SETD2: variants seen among roughly 807,000 people sequenced by gnomAD.
The protein encoded by SETD2 is SET domain containing 2, histone lysine methyltransferase, also known as histone-lysine N-methyltransferase SETD2.
In SETD2, 31 loss-of-function variants were observed where a neutral mutation model predicts 242.1. That is an observed-to-expected ratio of 0.13 (90% CI 0.10 to 0.17). The LOEUF is 0.17. SETD2 is among the 10% of genes least tolerant of loss of function. The pLI is 1.00. For missense variants in SETD2, 2,481 were observed against 3,046.3 expected, an observed-to-expected ratio of 0.81 and a Z score of 4.37; for synonymous variants, 1,006 against 1,066.5, an observed-to-expected ratio of 0.94 and a Z score of 1.11.
At chr3:47,092,914 A>T (rs145687846) in intron 9 of SETD2, among the ~76,000 whole-genome samples, 150 of 152,250 alleles carry the variant, frequency 9.9e-4, no homozygotes, top group African/African-American at 3.4e-3. Context: ...TGCTTTGGAG[A>T]TAACTTATCC....
intron 12 of SETD2, among the ~76,000 whole-genome samples, chr3:47,068,872 C>T (rs1280814867): frequency 6.6e-6 from 1 of 152,078 alleles, no homozygotes; most frequent in Non-Finnish European, 1.5e-5. Flanking sequence ...GATCTCAGCT[C>T]ATTGCAACCT....
chr3:47,083,634 TAA>T, intron 12 of SETD2, 84 bp downstream of exon 12: 1 of 1,277,830 alleles, frequency 7.8e-7, no homozygotes, highest in Non-Finnish European at 1.1e-6. Context: ...TATGCATGGC[TAA>T]AAAAAGTAGT....
intron 3 of SETD2, chr3:47,119,884 A>T (rs1243860953): frequency 4.3e-6 from 2 of 467,410 alleles, no homozygotes; most frequent in East Asian, 1.0e-4. Flanking sequence ...AGACTTTCAC[A>T]TGTAAAAGGA....
At chr3:47,045,301 C>T (rs371093673) in intron 16 of SETD2, among the ~76,000 whole-genome samples, 7 of 151,962 alleles carry the variant, frequency 4.6e-5, no homozygotes, top group East Asian at 3.9e-4. Context: ...GGGTAGATCA[C>T]GAGGTCAGGA....
intron 1 of SETD2, among the ~76,000 whole-genome samples, chr3:47,155,796 ACC>A (rs2044113118): frequency 6.6e-6 from 1 of 151,732 alleles, no homozygotes; most frequent in Non-Finnish European, 1.5e-5. Context: ...ACAGAGTGAG[ACC>A]CTGTCTCACA....
In SETD2 at chr3:47,016,438, C is replaced by A; in HGVS notation, c.*655G>T. The A allele has an allele frequency of 1.3e-5, 3 of 229,798 alleles. No homozygotes were observed. The highest frequency in any genetic ancestry group is 2.6e-5 in the Non-Finnish European group (3 of 115,744). 14.2% of individuals were successfully genotyped at this position (229,798 alleles called of 1,614,324 possible). A position where few individuals can be genotyped will look rare whatever the true frequency, so the allele number is the denominator to read the frequency against. On this transcript the variant is annotated 3_prime_UTR_variant, in exon 21 of 21. Coordinates refer to ENST00000409792, the MANE Select transcript of SETD2 (RefSeq NM_014159.7). ...TTTTAGGGAACACACATGCCAAGTT[C>A]TTTAATTGATTTTATTTTTTTACAT... is the stretch of plus-strand genomic sequence containing the variant.
At chr3:47,104,529 G>A (rs915530594) in intron 6 of SETD2, among the ~76,000 whole-genome samples, 1 of 151,484 alleles carries the variant, frequency 6.6e-6, no homozygotes. Flanking sequence ...AACAGAGCAA[G>A]ACCCTGACTC....
intron 1 of SETD2, among the ~76,000 whole-genome samples, chr3:47,128,952 C>T (rs1037584959): frequency 1.8e-4 from 28 of 152,194 alleles, no homozygotes; most frequent in African/African-American, 6.8e-4. Context: ...AGTACGCACA[C>T]ATACGAAATG....
chr3:47,150,614 A>G (rs1261865987), intron 1 of SETD2, among the ~76,000 whole-genome samples: 5 of 152,146 alleles, frequency 3.3e-5, no homozygotes, highest in Non-Finnish European at 5.9e-5. Flanking sequence ...TATGAGCACC[A>G]AGTCACTGCC....
At chr3:47,119,351 ATATT>A (rs1559739881) in intron 3 of SETD2, 1 of 152,326 alleles carries the variant, frequency 6.6e-6, no homozygotes, top group African/African-American at 2.4e-5. Flanking sequence ...CATTTCTAAA[ATATT>A]TATTACACTA....
intron 1 of SETD2, among the ~76,000 whole-genome samples, chr3:47,132,632 C>T (rs1261109877): frequency 6.7e-6 from 1 of 149,986 alleles, no homozygotes; most frequent in Non-Finnish European, 1.5e-5. Context: ...AAGTGAGGTC[C>T]TAGGTCTCAC....
intron 7 of SETD2, among the ~76,000 whole-genome samples, chr3:47,102,310 G>A (rs1460364916): frequency 6.6e-6 from 1 of 152,180 alleles, no homozygotes; most frequent in East Asian, 1.9e-4. Context: ...CAAAACCTAG[G>A]TTGAATGATT....
intron 15 of SETD2, among the ~76,000 whole-genome samples, chr3:47,047,242 T>TTG (rs1334546813): frequency 6.6e-6 from 1 of 152,210 alleles, no homozygotes; most frequent in African/African-American, 2.4e-5. Flanking sequence ...AAGAAGCCCC[T>TTG]TAACATACAT....
intron 1 of SETD2, among the ~76,000 whole-genome samples, chr3:47,132,505 A>G (rs59601660): frequency 0.03 from 4,638 of 152,228 alleles, 230 homozygotes; most frequent in East Asian, 0.13. Flanking sequence ...ACAAAACTAG[A>G]TGTGTCACTG....
intron 15 of SETD2, among the ~76,000 whole-genome samples, chr3:47,048,793 G>T (rs1399634144): frequency 6.6e-6 from 1 of 151,794 alleles, no homozygotes; most frequent in Admixed American, 6.6e-5. Context: ...TCAGCCTCCC[G>T]AGTACCTGGG....
intron 1 of SETD2, among the ~76,000 whole-genome samples, chr3:47,154,489 AATAC>A (rs2044079844): frequency 1.3e-5 from 2 of 152,174 alleles, no homozygotes; most frequent in African/African-American, 2.4e-5. Flanking sequence ...AAGGCAGAAA[AATAC>A]ATACAGTAAT....
At chr3:47,067,625 G>T (rs1308137886) in intron 12 of SETD2, among the ~76,000 whole-genome samples, 1 of 151,770 alleles carries the variant, frequency 6.6e-6, no homozygotes, top group African/African-American at 2.4e-5. Context: ...ACATTGCCCA[G>T]GCTGGTCTCG....
Position 47,122,943 on chromosome 3 carries a change from T to C in SETD2, c.1693A>G (p.Lys565Glu). The C allele has an allele frequency of 6.2e-7, 1 of 1,612,660 alleles. No homozygotes were observed. Among genetic ancestry groups the C allele is most frequent in the Non-Finnish European group, 8.5e-7 (1 of 1,179,438 alleles). Residue 565 changes from lysine to glutamate, a missense_variant, in exon 3 of 21, where the codon AAG becomes GAG. By Grantham distance (56) the Lys-to-Glu change is moderately conservative. This residue lies in a region of SETD2 where 1,300 missense variants were observed against 1,259.2 expected (regional missense o/e 1.03). Coordinates refer to ENST00000409792, the MANE Select transcript of SETD2 (RefSeq NM_014159.7). ...YKSTLSKPIPKSDKFKNSFCC... is the reference protein window; with the variant it reads ...YKSTLSKPIPESDKFKNSFCC... ...AAAGAATTTTTAAATTTATCAGACT[T>C]GGGTATAGGTTTTGAAAGGGTAGAT...
intron 11 of SETD2, among the ~76,000 whole-genome samples, chr3:47,085,221 G>T (rs571760531): frequency 8.5e-5 from 13 of 152,084 alleles, no homozygotes; most frequent in Admixed American, 5.2e-4. Context: ...CATCAAATAG[G>T]ACTGATTAAT....
Sources: gnomAD v4.1 joint callset for allele counts (sites outside exome capture counted in the v4.1 genomes callset) on GRCh38, gnomAD v4.1.1 for gene constraint, gnomAD v4.1.1 regional missense constraint, MANE v1.5 for transcripts, NCBI Gene and HGNC (gene_info 2026-07-23, HGNC 2026-07-21) for gene names.